Variants in NEURL1 observed in about 807,000 individuals in gnomAD.
The protein encoded by NEURL1 is neuralized E3 ubiquitin protein ligase 1.
Under a neutral mutation model 41.2 loss-of-function variants are expected in NEURL1, and 26 were observed. That is an observed-to-expected ratio of 0.63 (90% CI 0.46 to 0.87). The LOEUF is 0.87. Ranked by LOEUF, NEURL1 falls within the 40% of genes least tolerant of loss-of-function variation. The probability of loss-of-function intolerance (pLI) is 0.00; values close to 1 mark genes in which losing one functional copy is unlikely to be tolerated. For missense variants in NEURL1, 761 were observed against 871.1 expected (o/e 0.87, Z 1.59); for synonymous variants, 400 against 402.3 (o/e 0.99, Z 0.07).
At chr10:103,585,994 G>T (rs1168770554) in intron 4 of NEURL1, among the ~76,000 whole-genome samples, 1 of 151,940 alleles carries the variant, frequency 6.6e-6, no homozygotes, top group African/African-American at 2.4e-5. Flanking sequence ...GCAGGGTGGT[G>T]TCTGGTTGGG....
rs2035544921 is a variant in NEURL1, at chr10:103,571,551, C to T, written c.378C>T (p.Thr126=). Reference sequence around the variant, plus strand: ...GCGGGGCCCTGCGGCTGGGCTTCACCAGCAAGGACCCGTCCCGCATCCACC... The same window carrying T: ...GCGGGGCCCTGCGGCTGGGCTTCACTAGCAAGGACCCGTCCCGCATCCACC... The part of the protein sequence containing the change: ...CWSGALRLGF[T]SKDPSRIHPD... Residue 126 remains threonine (T), a synonymous_variant, in exon 3 of 6, where the codon ACC becomes ACT. Transcript: ENST00000369780. 9 of 1,611,986 alleles carry T rather than the reference C, an allele frequency of 5.6e-6. 1 individual carries two copies. The highest frequency in any genetic ancestry group is 3.3e-4 in the Middle Eastern group (2 of 6,084).
At chr10:103,583,076 A>G (rs1358330868) in intron 3 of NEURL1, among the ~76,000 whole-genome samples, 1 of 152,230 alleles carries the variant, frequency 6.6e-6, no homozygotes, top group African/African-American at 2.4e-5. Context: ...TGAAAGTTAT[A>G]GGACTCCATA....
intron 1 of NEURL1, among the ~76,000 whole-genome samples, chr10:103,539,577 C>G (rs904583699): frequency 6.6e-6 from 1 of 152,168 alleles, no homozygotes; most frequent in African/African-American, 2.4e-5. Flanking sequence ...CTGGAGGGAG[C>G]AAAGGGGTGT....
intron 3 of NEURL1, among the ~76,000 whole-genome samples, chr10:103,574,787 C>T (rs1376316855): frequency 2.0e-5 from 3 of 152,200 alleles, no homozygotes; most frequent in East Asian, 3.9e-4. Context: ...CCCCCTGTGA[C>T]TATAAATGGG....
chr10:103,513,635 C>T (rs532699752), intron 1 of NEURL1, among the ~76,000 whole-genome samples: 42 of 152,326 alleles, frequency 2.8e-4, no homozygotes, highest in African/African-American at 1.0e-3. Flanking sequence ...CACAGAGGAG[C>T]AGGGACCTAC....
At chr10:103,565,873 G>A (rs1221116844) in intron 1 of NEURL1, among the ~76,000 whole-genome samples, 1 of 152,018 alleles carries the variant, frequency 6.6e-6, no homozygotes, top group Non-Finnish European at 1.5e-5. Context: ...GGCTGGTCTC[G>A]AACTCCTGGG....
intron 1 of NEURL1, among the ~76,000 whole-genome samples, chr10:103,564,420 T>C (rs563052571): frequency 5.9e-5 from 9 of 152,222 alleles, no homozygotes; most frequent in Admixed American, 5.2e-4. Context: ...TGTAGAGCAG[T>C]TGTGCAGCCC....
intron 4 of NEURL1, 120 bp from the exon 5 acceptor site, chr10:103,589,394 T>C: frequency 1.8e-6 from 2 of 1,139,332 alleles, no homozygotes. Flanking sequence ...AAAATCCCGC[T>C]CTTGGCCCTG....
chr10:103,566,754 A>C lies in NEURL1; in HGVS notation c.86-4118A>C, dbSNP rs2035432479. On this transcript the variant is annotated intron_variant, in intron 1 of 5. Transcript: ENST00000369780. This position sits in a 1 kb window ranked among gnomAD's most constrained non-coding sequence, Gnocchi z 4.2. The stretch of plus-strand genomic sequence containing the variant: ...ACATATGTTAGGCATTTTTCACTTC[A>C]TGAGAAACTGCCAAACCATTCTCAA... Among the ~76,000 whole-genome samples the C allele has an allele frequency of 6.6e-6, 1 of 152,166 alleles. No individual in the cohort carries two copies. The highest frequency in any genetic ancestry group is 1.5e-5 in the Non-Finnish European group (1 of 68,036).
intron 4 of NEURL1, among the ~76,000 whole-genome samples, chr10:103,587,751 C>T (rs1287461723): frequency 1.3e-5 from 2 of 152,172 alleles, no homozygotes. Context: ...TCTGAAAATT[C>T]TGGCCAATGC....
chr10:103,537,359 A>G (rs1163482126), intron 1 of NEURL1, among the ~76,000 whole-genome samples: 1 of 152,046 alleles, frequency 6.6e-6, no homozygotes. Flanking sequence ...CTTAGTTTTT[A>G]TAGAAGTAAC....
chr10:103,589,256 G>A (rs1354532388), intron 4 of NEURL1, among the ~76,000 whole-genome samples: 1 of 152,204 alleles, frequency 6.6e-6, no homozygotes, highest in East Asian at 1.9e-4. Context: ...CAAGAAGAAA[G>A]CAGGATATGA....
chr10:103,519,196 G>A (rs1420329674), intron 1 of NEURL1, among the ~76,000 whole-genome samples: 10 of 151,960 alleles, frequency 6.6e-5, no homozygotes, highest in South Asian at 2.1e-4. Context: ...GCAGTGAGCC[G>A]AGATCGTGCC....
chr10:103,513,066 AC>A (rs1266161266), intron 1 of NEURL1, among the ~76,000 whole-genome samples: 2 of 146,826 alleles, frequency 1.4e-5, no homozygotes. Context: ...CTCCATTGAC[AC>A]CCCCCCAGGC....
chr10:103,540,233 G>A (rs756415489), intron 1 of NEURL1, among the ~76,000 whole-genome samples: 6 of 152,148 alleles, frequency 3.9e-5, no homozygotes, highest in Non-Finnish European at 5.9e-5. Flanking sequence ...AGATCATAAT[G>A]TGAGAACATT....
intron 1 of NEURL1, among the ~76,000 whole-genome samples, chr10:103,551,896 A>G (rs575831551): frequency 6.6e-6 from 1 of 152,358 alleles, no homozygotes; most frequent in South Asian, 2.1e-4. Context: ...TCAAGTGGCC[A>G]GAGTTGGGGC....
chr10:103,556,457 G>A lies in NEURL1; in HGVS notation c.86-14415G>A, dbSNP rs1402069831. ...GGAGGTGGGACAGTGTCCATCTGCC[G>A]AGTCCAGTGGGCACTGAGGAGCCTG... is the stretch of plus-strand genomic sequence containing the variant. On this transcript the variant is annotated intron_variant, in intron 1 of 5. Transcript: ENST00000369780. The surrounding 1 kb of genome is among the most constrained non-coding windows in gnomAD (Gnocchi z 4.4). 1.3e-5 allele frequency among the ~76,000 whole-genome samples: 2 copies of A among 152,216 alleles called. 1 individual carries two copies.
intron 1 of NEURL1, among the ~76,000 whole-genome samples, chr10:103,526,490 A>G (rs752817519): frequency 1.3e-5 from 2 of 151,200 alleles, no homozygotes; most frequent in East Asian, 1.9e-4. Flanking sequence ...GAATTTCTCA[A>G]TTTCTGCTAG....
At chr10:103,571,158 C>A in intron 2 of NEURL1, 45 bp downstream of exon 2, 3 of 1,583,424 alleles carry the variant, frequency 1.9e-6, no homozygotes, top group Non-Finnish European at 2.6e-6. Flanking sequence ...GCTTCCTGCT[C>A]CCCTCATGGC....
Sources: gnomAD v4.1 joint callset for allele counts (sites outside exome capture counted in the v4.1 genomes callset) on GRCh38, gnomAD v4.1.1 for gene constraint, Gnocchi (gnomAD v3.1) non-coding constraint, MANE v1.5 for transcripts, NCBI Gene and HGNC (gene_info 2026-07-23, HGNC 2026-07-21) for gene names.